Variants in BTRC observed in about 807,000 individuals in gnomAD.
BTRC encodes beta-transducin repeat containing E3 ubiquitin protein ligase, also known as F-box/WD repeat-containing protein 1A.
A neutral mutation model predicts 85.5 loss-of-function variants in BTRC; 42 were observed. The observed-to-expected ratio is 0.49, with a 90% CI of 0.38 to 0.64. BTRC has a LOEUF of 0.64. Ranked by LOEUF, BTRC falls within the 30% of genes least tolerant of loss-of-function variation. BTRC has a pLI of 0.00. For missense variants in BTRC, 594 were observed against 743.5 expected, an observed-to-expected ratio of 0.80 and a Z score of 2.34; for synonymous variants, 255 against 263.3, an observed-to-expected ratio of 0.97 and a Z score of 0.30.
chr10:101,493,965 T>C (rs1181577628), intron 4 of BTRC, among the ~76,000 whole-genome samples: 2 of 152,206 alleles, frequency 1.3e-5, no homozygotes, highest in Admixed American at 6.5e-5. Context: ...GTCATGTTAA[T>C]TTAGCCCTGT....
chr10:101,475,269 G>A (rs1037610859), intron 3 of BTRC, among the ~76,000 whole-genome samples: 2 of 152,184 alleles, frequency 1.3e-5, no homozygotes, highest in African/African-American at 4.8e-5. Context: ...GCTGGGCGTG[G>A]TGGCTCACGC....
intron 12 of BTRC, among the ~76,000 whole-genome samples, chr10:101,537,396 C>T (rs922803442): frequency 5.9e-5 from 9 of 152,082 alleles, no homozygotes; most frequent in Admixed American, 1.3e-4. Context: ...GGTGTGGTTG[C>T]GGGCGCCTGT....
intron 3 of BTRC, among the ~76,000 whole-genome samples, chr10:101,463,899 T>A (rs1213217204): frequency 2.6e-5 from 4 of 151,958 alleles, no homozygotes; most frequent in African/African-American, 7.3e-5. Flanking sequence ...CTTCTTTTTT[T>A]TATAAAAATA....
chr10:101,444,838 T>C lies in BTRC; in HGVS notation c.156+14386T>C, dbSNP rs145494801. On this transcript the variant is annotated intron_variant, in intron 2 of 14. Coordinates refer to ENST00000370187, the MANE Select transcript of BTRC (RefSeq NM_033637.4). ...CAGCATAGCAGTGAACAAATTTCCT[T>C]TCTCAAGAGCATGGCTGTAAGTGCA... Among the ~76,000 whole-genome samples, 17 of 152,326 alleles carry C rather than the reference T, an allele frequency of 1.1e-4. No homozygotes were observed. The East Asian group carries it at 2.1e-3, about 19-fold the overall frequency.
At chr10:101,406,130 G>A (rs1265613735) in intron 1 of BTRC, among the ~76,000 whole-genome samples, 1 of 151,198 alleles carries the variant, frequency 6.6e-6, no homozygotes, top group Non-Finnish European at 1.5e-5. Flanking sequence ...TATTCTCGAT[G>A]AATTAACCTT....
intron 3 of BTRC, among the ~76,000 whole-genome samples, chr10:101,475,889 A>T (rs1224615341): frequency 1.5e-5 from 2 of 134,794 alleles, no homozygotes; most frequent in African/African-American, 5.4e-5. Context: ...GCAAGTAGAA[A>T]CAGAATATTT....
intron 1 of BTRC, among the ~76,000 whole-genome samples, chr10:101,398,859 G>A (rs977081839): frequency 5.9e-5 from 9 of 152,142 alleles, no homozygotes; most frequent in Non-Finnish European, 1.2e-4. Context: ...GCATAAGTTG[G>A]TCTTCATCAA....
chr10:101,485,908 G>A (rs1945972455), intron 4 of BTRC, among the ~76,000 whole-genome samples: 1 of 152,206 alleles, frequency 6.6e-6, no homozygotes, highest in Admixed American at 6.5e-5. Context: ...ATTGCCTGCT[G>A]ATGCATGTCG....
rs188956879 is a variant in BTRC at position 101,400,927 on chromosome 10, T to A, written c.49-29418T>A. Reference sequence around the variant, plus strand: ...CACTATCCTCCATCTTTCAGAAATATCAAAAGCTGAATCTTCCCACCGAAC... The same window carrying A: ...CACTATCCTCCATCTTTCAGAAATAACAAAAGCTGAATCTTCCCACCGAAC... On this transcript the variant is annotated intron_variant, in intron 1 of 14. Coordinates refer to ENST00000370187, the MANE Select transcript of BTRC (RefSeq NM_033637.4). Among the ~76,000 whole-genome samples the A allele has an allele frequency of 4.0e-3, 616 of 152,296 alleles. 4 individuals are homozygous for A. Among genetic ancestry groups the A allele is most frequent in the Non-Finnish European group, 5.2e-3 (356 of 68,016 alleles).
chr10:101,394,637 TAA>T (rs2133988325), intron 1 of BTRC, among the ~76,000 whole-genome samples: 1 of 152,170 alleles, frequency 6.6e-6, no homozygotes, highest in East Asian at 1.9e-4. Context: ...AGAGAAGAAA[TAA>T]AGAAGTCCCT....
intron 8 of BTRC, among the ~76,000 whole-genome samples, 155 bp from the exon 9 acceptor site, chr10:101,532,797 T>TGTGCGC (rs1554895742): frequency 7.1e-6 from 1 of 141,174 alleles, no homozygotes; most frequent in South Asian, 2.2e-4. Flanking sequence ...TGTGCGCGTG[T>TGTGCGC]GCGCGCGCGC....
chr10:101,387,323 T>C (rs1454348707), intron 1 of BTRC, among the ~76,000 whole-genome samples: 1 of 151,620 alleles, frequency 6.6e-6, no homozygotes, highest in African/African-American at 2.4e-5. Flanking sequence ...TTTTTTTGTA[T>C]TGGGAACATT....
chr10:101,354,616 C>A, intron 1 of BTRC: 1 of 266,362 alleles, frequency 3.8e-6, no homozygotes, highest in Non-Finnish European at 7.0e-6. Flanking sequence ...ACCGGTAAGG[C>A]CCGGGAGAGG....
chr10:101,475,953 A>ATATATATATATATATTT (rs1265691229), intron 3 of BTRC, among the ~76,000 whole-genome samples: 1 of 133,806 alleles, frequency 7.5e-6, no homozygotes, highest in African/African-American at 2.9e-5. Flanking sequence ...ATATATATAT[A>ATATATATATATATATTT]TTCAGTAATT....
intron 1 of BTRC, chr10:101,414,633 A>G (rs753165019): frequency 1.9e-6 from 1 of 517,822 alleles, no homozygotes; most frequent in Non-Finnish European, 3.9e-6. Flanking sequence ...TGACAGGTCC[A>G]TAGATGTTAA....
intron 2 of BTRC, among the ~76,000 whole-genome samples, chr10:101,457,110 T>C (rs907271041): frequency 1.3e-5 from 2 of 152,142 alleles, no homozygotes; most frequent in African/African-American, 4.8e-5. Context: ...AAGAATAAAA[T>C]AGAACAGTTA....
intron 4 of BTRC, among the ~76,000 whole-genome samples, chr10:101,518,417 G>A (rs1490455979): frequency 2.6e-5 from 4 of 152,150 alleles, no homozygotes; most frequent in Admixed American, 6.5e-5. Flanking sequence ...GTAGCTCAGC[G>A]CTCTAAGGAG....
chr10:101,467,295 G>T (rs1166071290), intron 3 of BTRC, among the ~76,000 whole-genome samples: 3 of 147,810 alleles, frequency 2.0e-5, no homozygotes, highest in African/African-American at 7.4e-5. Context: ...GAGGGAAAAA[G>T]GTTTAATGAA....
chr10:101,408,587 T>C (rs1241412192), intron 1 of BTRC, among the ~76,000 whole-genome samples: 1 of 152,242 alleles, frequency 6.6e-6, no homozygotes, highest in Non-Finnish European at 1.5e-5. Context: ...ATTACAGTTA[T>C]GAGTCACTGG....
Sources: gnomAD v4.1 joint callset for allele counts (sites outside exome capture counted in the v4.1 genomes callset) on GRCh38, gnomAD v4.1.1 for gene constraint, MANE v1.5 for transcripts, NCBI Gene and HGNC (gene_info 2026-07-23, HGNC 2026-07-21) for gene names.